Variants in SLC24A2 observed in about 807,000 individuals in gnomAD.
SLC24A2 encodes solute carrier family 24 member 2, also known as sodium/potassium/calcium exchanger 2.
Under a neutral mutation model 62.0 loss-of-function variants are expected in SLC24A2, and 36 were observed. The ratio of observed to expected loss-of-function variants is 0.58; its 90% CI spans 0.44 to 0.77. The LOEUF (loss-of-function observed/expected upper bound fraction) is 0.77. Among genes scored for constraint, SLC24A2 ranks in the 30% least tolerant of loss-of-function variants. SLC24A2 has a pLI of 0.00. For synonymous variants in SLC24A2, 358 were observed against 294.0 expected, an observed-to-expected ratio of 1.22 and a Z score of -2.23; for missense variants, 846 against 817.9, an observed-to-expected ratio of 1.03 and a Z score of -0.42.
intron 2 of SLC24A2, among the ~76,000 whole-genome samples, chr9:19,761,505 A>C (rs1822328562): frequency 6.8e-6 from 1 of 147,736 alleles, no homozygotes; most frequent in South Asian, 2.1e-4. Flanking sequence ...ATTATACTTT[A>C]AGTTTTAGGG....
chr9:20,207,650 G>A, the SLC24A2 span, among the ~76,000 whole-genome samples: 78 of 152,132 alleles, frequency 5.1e-4, no homozygotes, highest in African/African-American at 1.7e-3. Context: ...ACACTTAATG[G>A]GTGCTTTAAA....
chr9:20,268,094 C>T, the SLC24A2 span, among the ~76,000 whole-genome samples: 1 of 152,170 alleles, frequency 6.6e-6, no homozygotes, highest in Non-Finnish European at 1.5e-5. Flanking sequence ...GCCTGAGGTG[C>T]AAGTGAACTA....
At chr9:19,986,630 C>T in the SLC24A2 span, among the ~76,000 whole-genome samples, 41,232 of 151,806 alleles carry the variant, frequency 0.27, 5,974 homozygotes, top group South Asian at 0.4. Flanking sequence ...GAGGTACTGA[C>T]GTATGTTACA....
At chr9:20,036,322 T>C in the SLC24A2 span, among the ~76,000 whole-genome samples, 1 of 152,220 alleles carries the variant, frequency 6.6e-6, no homozygotes, top group Non-Finnish European at 1.5e-5. Flanking sequence ...ATTTGACACT[T>C]GTTGTAATGG....
the SLC24A2 span, among the ~76,000 whole-genome samples, chr9:19,987,012 G>A: frequency 1.1e-4 from 16 of 152,176 alleles, no homozygotes; most frequent in Admixed American, 9.8e-4. Context: ...TCAAGCAGAG[G>A]CCATGACAAA....
In SLC24A2 at chr9:19,513,991, C is replaced by T. The variant is rs1832833170; in HGVS notation, c.*2162G>A. The T allele has an allele frequency of 1.3e-5, 2 of 152,276 alleles. No individual in the cohort carries two copies. The highest frequency in any genetic ancestry group is 4.8e-5 in the African/African-American group (2 of 41,548). 9.4% of individuals were successfully genotyped at this position (152,276 alleles called of 1,614,324 possible). ...CCTCTATTGGATGGTGTTTCAATGT[C>T]TTGGAAGGCATTGTCCCACATCTGA... On this transcript the variant is annotated 3_prime_UTR_variant, in exon 11 of 11. Coordinates refer to ENST00000341998, the MANE Select transcript of SLC24A2 (RefSeq NM_020344.4).
chr9:19,992,849 A>T, the SLC24A2 span, among the ~76,000 whole-genome samples: 1 of 152,216 alleles, frequency 6.6e-6, no homozygotes, highest in East Asian at 1.9e-4. Context: ...AGAGCTGGGA[A>T]TCCCTTCCTG....
chr9:19,640,381 T>C (rs1165859965), intron 2 of SLC24A2, among the ~76,000 whole-genome samples: 1 of 152,244 alleles, frequency 6.6e-6, no homozygotes, highest in African/African-American at 2.4e-5. Flanking sequence ...AAAAACACCT[T>C]CATATTACTT....
chr9:20,055,415 CT>C, the SLC24A2 span, among the ~76,000 whole-genome samples: 16 of 152,224 alleles, frequency 1.1e-4, no homozygotes, highest in African/African-American at 3.9e-4. Context: ...TCCAAATCAT[CT>C]TATAAATATT....
chr9:19,893,528 G>A, the SLC24A2 span, among the ~76,000 whole-genome samples: 4 of 152,120 alleles, frequency 2.6e-5, no homozygotes, highest in African/African-American at 9.7e-5. Context: ...TATAATAGTA[G>A]CTACTGTTAA....
the SLC24A2 span, among the ~76,000 whole-genome samples, chr9:19,794,821 A>G: frequency 6.6e-6 from 1 of 152,104 alleles, no homozygotes; most frequent in Middle Eastern, 3.2e-3. Context: ...AGAGGGTACA[A>G]AGGCAGGACA....
At chr9:19,780,133 A>G (rs1448923376) in intron 2 of SLC24A2, among the ~76,000 whole-genome samples, 2 of 152,210 alleles carry the variant, frequency 1.3e-5, no homozygotes, top group Non-Finnish European at 2.9e-5. Context: ...TAAATTCTAG[A>G]CTTCGAATTA....
At chr9:19,603,581 C>T (rs1360140984) in intron 4 of SLC24A2, among the ~76,000 whole-genome samples, 3 of 152,078 alleles carry the variant, frequency 2.0e-5, no homozygotes, top group African/African-American at 7.2e-5. Flanking sequence ...TCTAATTCCA[C>T]CCCTAAATAT....
chr9:19,560,608 TCCAAC>T (rs1367279035), intron 7 of SLC24A2, among the ~76,000 whole-genome samples: 4 of 151,616 alleles, frequency 2.6e-5, no homozygotes, highest in Non-Finnish European at 1.5e-5. Flanking sequence ...ATCTTGGACT[TCCAAC>T]CCCTAGATCT....
the SLC24A2 span, among the ~76,000 whole-genome samples, chr9:20,049,477 T>A: frequency 6.6e-6 from 1 of 152,134 alleles, no homozygotes; most frequent in Non-Finnish European, 1.5e-5. Flanking sequence ...CCACAGTCAC[T>A]ATAGTAGGTG....
At chr9:20,194,088 T>C in the SLC24A2 span, among the ~76,000 whole-genome samples, 3 of 152,098 alleles carry the variant, frequency 2.0e-5, no homozygotes, top group African/African-American at 7.2e-5. Flanking sequence ...TGGGTTTTTT[T>C]TTGGGAAAAC....
the SLC24A2 span, among the ~76,000 whole-genome samples, chr9:19,970,542 G>T: frequency 6.6e-6 from 1 of 152,092 alleles, no homozygotes; most frequent in Non-Finnish European, 1.5e-5. Context: ...TTTGAATTCT[G>T]CAAGTTTTAT....
chr9:20,235,253 G>A, the SLC24A2 span, among the ~76,000 whole-genome samples: 1 of 152,234 alleles, frequency 6.6e-6, no homozygotes, highest in African/African-American at 2.4e-5. Flanking sequence ...CTTCAAAGCT[G>A]TCAGACAGGG....
intron 7 of SLC24A2, among the ~76,000 whole-genome samples, chr9:19,564,852 A>ACAG (rs1353543294): frequency 6.6e-6 from 1 of 152,200 alleles, no homozygotes; most frequent in East Asian, 1.9e-4. Context: ...TTGATGTGTC[A>ACAG]CAGCAGCAGG....
Sources: allele counts gnomAD v4.1 joint callset (sites outside exome capture counted in the v4.1 genomes callset), GRCh38; gene constraint gnomAD v4.1.1; transcripts MANE v1.5; gene names NCBI Gene and HGNC (gene_info 2026-07-23, HGNC 2026-07-21).